The following PPP1R16A variants were observed in gnomAD, a reference collection of about 807,000 sequenced individuals.
The protein encoded by PPP1R16A is protein phosphatase 1 regulatory subunit 16A, also known as myosin phosphatase-targeting subunit 3.
A neutral mutation model predicts 46.6 loss-of-function variants in PPP1R16A; 39 were observed. The ratio of observed to expected loss-of-function variants is 0.84; its 90% CI spans 0.65 to 1.09. The LOEUF (loss-of-function observed/expected upper bound fraction) is 1.09, where lower values mean the gene tolerates loss of function less well. Among genes scored for constraint, PPP1R16A ranks in the 50% least tolerant of loss-of-function variants. The probability of loss-of-function intolerance (pLI) is 0.00; values close to 1 mark genes in which losing one functional copy is unlikely to be tolerated. For synonymous variants in PPP1R16A, 413 were observed against 321.5 expected (o/e 1.28, Z -3.04); for missense variants, 798 against 735.6 (o/e 1.08, Z -0.98).
In PPP1R16A at chr8:144,497,271, C is replaced by T. The variant is rs903579902; in HGVS notation, c.77C>T (p.Ala26Val). The T allele has an allele frequency of 3.1e-6, 5 of 1,610,224 alleles. No homozygotes were observed. The African/African-American group carries it at 5.3e-5, about 17-fold the overall frequency. ...RMSTQERLKH[A>V]QKRRAQQVKM... ...AGCACACAGGAGCGGCTGAAGCATG[C>T]CCAGAAGCGGCGCGCCCAGCAGGTG... Residue 26 changes from alanine (A) to valine (V), a missense_variant, in exon 3 of 12, where the codon GCC becomes GTC. By Grantham distance (64) the Ala-to-Val change is moderately conservative (BLOSUM62 0). Coordinates refer to ENST00000435887, the MANE Select transcript of PPP1R16A (RefSeq NM_001329443.2).
intron 5 of PPP1R16A, 90 bp from the exon 6 acceptor site, chr8:144,500,006 T>G: frequency 7.2e-7 from 1 of 1,385,854 alleles, no homozygotes; most frequent in Non-Finnish European, 9.9e-7. Flanking sequence ...AGCCCTGGGC[T>G]GAGGGGCCCT....
chr8:144,478,745 A>G (rs1825275634), intron 1 of PPP1R16A: 1 of 152,212 alleles, frequency 6.6e-6, no homozygotes, highest in African/African-American at 2.4e-5. Context: ...CGTCCGGACC[A>G]CCCCTCAGGA....
chr8:144,487,898 C>T (rs573517409), intron 1 of PPP1R16A, among the ~76,000 whole-genome samples: 10 of 152,272 alleles, frequency 6.6e-5, no homozygotes, highest in Non-Finnish European at 1.0e-4. Flanking sequence ...ATTGGGACTA[C>T]GTCAAATCTT....
chr8:144,481,721 C>T (rs1353852614), intron 1 of PPP1R16A, among the ~76,000 whole-genome samples: 1 of 152,202 alleles, frequency 6.6e-6, no homozygotes. Flanking sequence ...TGCCAGATGA[C>T]AATGTTTTAG....
At position 144,489,485 on chromosome 8, in the gene PPP1R16A, C is replaced by T. The variant is rs118176809; in HGVS notation, c.-913-549C>T. 3.4e-3 allele frequency among the ~76,000 whole-genome samples: 519 copies of T among 152,124 alleles called. 1 individual carries two copies. The highest frequency in any genetic ancestry group is 6.3e-3 in the African/African-American group (261 of 41,494). On this transcript the variant is annotated intron_variant, in intron 1 of 11. Coordinates refer to ENST00000435887, the MANE Select transcript of PPP1R16A (RefSeq NM_001329443.2). ...CCTCCTGACCCCATCACCACTCACT[C>T]GTCCAGCCACCACTTCCCCTAAACT...
intron 2 of PPP1R16A, among the ~76,000 whole-genome samples, chr8:144,494,272 G>A (rs533897770): frequency 4.6e-5 from 7 of 151,330 alleles, no homozygotes; most frequent in Non-Finnish European, 8.9e-5. Flanking sequence ...GTGCCCCGCC[G>A]ATCTTTTGTT....
intron 3 of PPP1R16A, chr8:144,498,313 G>C: frequency 2.8e-6 from 1 of 354,386 alleles, no homozygotes; most frequent in Non-Finnish European, 5.6e-6. Context: ...GATGGGGAGG[G>C]GAGTGAGAGC....
At chr8:144,495,275 GT>G (rs1826000858) in intron 2 of PPP1R16A, among the ~76,000 whole-genome samples, 2 of 152,120 alleles carry the variant, frequency 1.3e-5, no homozygotes, top group Non-Finnish European at 1.5e-5. Flanking sequence ...GCCCAGGACA[GT>G]TCCCTTTCTG....
chr8:144,497,095 G>A lies in PPP1R16A; in HGVS notation c.-100G>A. The A allele has an allele frequency of 6.8e-7, 1 of 1,472,470 alleles. No individual in the cohort carries two copies. 91.2% of individuals were successfully genotyped at this position (1,472,470 alleles called of 1,614,324 possible). A position where few individuals can be genotyped will look rare whatever the true frequency, so the allele number is the denominator to read the frequency against. On this transcript the variant is annotated 5_prime_UTR_variant, in exon 3 of 12. In the 5' UTR this introduces an upstream ATG that the reference lacks. Coordinates refer to ENST00000435887, the MANE Select transcript of PPP1R16A (RefSeq NM_001329443.2). ...CTCTGGGAAGGGGATGCCCCCGAGG[G>A]TGCCAGTCCAGCTAGCTGCCCCACC...
chr8:144,482,014 T>TG (rs60632308), intron 1 of PPP1R16A, among the ~76,000 whole-genome samples: 149,767 of 152,262 alleles, frequency 0.98, 73,771 homozygotes, highest in Middle Eastern at 1. Flanking sequence ...CCTGACCTCG[T>TG]ATCCGCCCGC....
chr8:144,502,093 C>A lies in PPP1R16A; in HGVS notation c.*190C>A. The A allele has an allele frequency of 1.7e-6, 1 of 582,340 alleles. No homozygotes were observed. The highest frequency in any genetic ancestry group is 2.9e-6 in the Non-Finnish European group (1 of 345,256). The allele number at this position is 582,340 out of a possible 1,614,324, so 36.1% of individuals were successfully genotyped here. ...TGCAAAGACTATTTTTATCCTGCAA[C>A]TCTTGATAAAGGGCTGTTTTGCCAT... On this transcript the variant is annotated 3_prime_UTR_variant, in exon 12 of 12. Coordinates refer to ENST00000435887, the MANE Select transcript of PPP1R16A (RefSeq NM_001329443.2).
chr8:144,489,357 G>T (rs1276123661), intron 1 of PPP1R16A, among the ~76,000 whole-genome samples: 1 of 85,066 alleles, frequency 1.2e-5, no homozygotes, highest in East Asian at 4.6e-4. Flanking sequence ...TGGGAGAGGG[G>T]TTGGTCTGAG....
intron 2 of PPP1R16A, among the ~76,000 whole-genome samples, chr8:144,494,133 T>C (rs1825936024): frequency 6.6e-6 from 1 of 152,158 alleles, no homozygotes; most frequent in Non-Finnish European, 1.5e-5. Flanking sequence ...CTTACATTAA[T>C]TATTTTTTAA....
chr8:144,502,092 A>C lies in PPP1R16A; in HGVS notation c.*189A>C, dbSNP rs921245369. ...CTGCAAAGACTATTTTTATCCTGCA[A>C]CTCTTGATAAAGGGCTGTTTTGCCA... On this transcript the variant is annotated 3_prime_UTR_variant, in exon 12 of 12. Coordinates refer to ENST00000435887, the MANE Select transcript of PPP1R16A (RefSeq NM_001329443.2). 2 of 565,916 alleles carry C rather than the reference A, an allele frequency of 3.5e-6. No homozygotes were observed. Among genetic ancestry groups the C allele is most frequent in the Non-Finnish European group, 6.0e-6 (2 of 336,102 alleles). 35.1% of individuals were successfully genotyped at this position (565,916 alleles called of 1,614,324 possible).
Position 144,496,957 on chromosome 8 carries a change from A to C in PPP1R16A, c.-238A>C. 1 of 594,662 alleles carries C rather than the reference A, an allele frequency of 1.7e-6. No homozygotes were observed. Among genetic ancestry groups the C allele is most frequent in the Non-Finnish European group, 3.0e-6 (1 of 335,530 alleles). 36.8% of individuals were successfully genotyped at this position (594,662 alleles called of 1,614,324 possible). ...TCGACAGCTAGAGGCTGGCCTGGGG[A>C]GCAGGTTTGGGGTGCCCTCCCACAC... On this transcript the variant is annotated 5_prime_UTR_variant, in exon 3 of 12. Coordinates refer to ENST00000435887, the MANE Select transcript of PPP1R16A (RefSeq NM_001329443.2).
At chr8:144,483,523 C>T (rs1277114684) in intron 1 of PPP1R16A, among the ~76,000 whole-genome samples, 1 of 152,076 alleles carries the variant, frequency 6.6e-6, no homozygotes, top group African/African-American at 2.4e-5. Flanking sequence ...GATTCTCGTG[C>T]CTCAGCTTCC....
chr8:144,484,715 A>C (rs988853093), intron 1 of PPP1R16A, among the ~76,000 whole-genome samples: 3 of 152,204 alleles, frequency 2.0e-5, no homozygotes, highest in Admixed American at 2.0e-4. Flanking sequence ...CCCCTGACAG[A>C]CATTGCGTGA....
intron 1 of PPP1R16A, among the ~76,000 whole-genome samples, chr8:144,485,399 C>T (rs1402138966): frequency 6.6e-6 from 1 of 151,528 alleles, no homozygotes; most frequent in Non-Finnish European, 1.5e-5. Flanking sequence ...TGGCACACAC[C>T]TGTAATCCCA....
intron 1 of PPP1R16A, among the ~76,000 whole-genome samples, chr8:144,481,800 CAG>C (rs1187677800): frequency 2.0e-5 from 3 of 152,032 alleles, no homozygotes; most frequent in South Asian, 2.1e-4. Context: ...TTTTTTGAGA[CAG>C]AGTCTTGCTC....
Sources: allele counts gnomAD v4.1 joint callset (sites outside exome capture counted in the v4.1 genomes callset), GRCh38; gene constraint gnomAD v4.1.1; transcripts MANE v1.5; gene names NCBI Gene and HGNC (gene_info 2026-07-23, HGNC 2026-07-21).